Variants in ALK observed in about 807,000 individuals in gnomAD.
ALK encodes ALK tyrosine kinase receptor.
A neutral mutation model predicts 163.1 loss-of-function variants in ALK; 74 were observed. That is an observed-to-expected ratio of 0.45 (90% CI 0.38 to 0.55). The LOEUF is 0.55. Ranked by LOEUF, ALK falls within the 20% of genes least tolerant of loss-of-function variation. The pLI is 0.00. For missense variants in ALK, 2,063 were observed against 2,105.3 expected, an observed-to-expected ratio of 0.98 and a Z score of 0.39; for synonymous variants, 960 against 843.2, an observed-to-expected ratio of 1.14 and a Z score of -2.40.
At chr2:29,888,974 T>C (rs4545964) in intron 1 of ALK, among the ~76,000 whole-genome samples, 41,971 of 152,064 alleles carry the variant, frequency 0.28, 6,233 homozygotes, top group East Asian at 0.58. Flanking sequence ...GGAATCCCAA[T>C]GTATAAAACC....
chr2:29,197,579 C>T lies in ALK; in HGVS notation c.4036G>A (p.Gly1346Ser), dbSNP rs755843358. Reference protein sequence around the residue: ...QEVLEFVTSGGRMDPPKNCPG... With the variant: ...QEVLEFVTSGSRMDPPKNCPG... ...CAGTTCTTGGGTGGGTCCATCCGGC[C>T]TCCACTGGTGACAAACTCCAGAACT... Residue 1346 changes from glycine (G) to serine (S), a missense_variant, in exon 27 of 29, where the codon GGC (glycine) becomes AGC (serine). Physicochemically the swap from Gly to Ser is moderately conservative, Grantham distance 56. Transcript: ENST00000389048. 2 of 1,613,818 alleles carry T rather than the reference C, an allele frequency of 1.2e-6. No homozygotes were observed. Among genetic ancestry groups the T allele is most frequent in the Non-Finnish European group, 1.7e-6 (2 of 1,180,034 alleles).
At chr2:29,816,714 C>A (rs984037502) in intron 1 of ALK, among the ~76,000 whole-genome samples, 1 of 152,208 alleles carries the variant, frequency 6.6e-6, no homozygotes, top group Non-Finnish European at 1.5e-5. Flanking sequence ...GGCTCTGCGA[C>A]CTTGAGCAAT....
chr2:29,655,951 G>C (rs1011791622), intron 3 of ALK, among the ~76,000 whole-genome samples: 4 of 152,086 alleles, frequency 2.6e-5, no homozygotes, highest in Non-Finnish European at 5.9e-5. Context: ...GCTACTAAAT[G>C]CCTGTGTCCA....
At chr2:29,810,131 CAG>C (rs1253351416) in intron 1 of ALK, among the ~76,000 whole-genome samples, 3 of 152,060 alleles carry the variant, frequency 2.0e-5, no homozygotes, top group Non-Finnish European at 2.9e-5. Flanking sequence ...TAAAAATGGA[CAG>C]AGAGTCAGCC....
At chr2:29,525,112 G>T (rs1025763326) in intron 4 of ALK, among the ~76,000 whole-genome samples, 3 of 152,200 alleles carry the variant, frequency 2.0e-5, no homozygotes, top group Non-Finnish European at 2.9e-5. Flanking sequence ...TAACAGATGT[G>T]TCAGGAGTAT....
intron 4 of ALK, among the ~76,000 whole-genome samples, chr2:29,506,484 T>C (rs1220353213): frequency 3.3e-5 from 5 of 152,134 alleles, no homozygotes; most frequent in African/African-American, 1.2e-4. Flanking sequence ...GATTGGCTCA[T>C]GTCTGTAATC....
chr2:29,861,075 G>A (rs947744495), intron 1 of ALK, among the ~76,000 whole-genome samples: 12 of 152,270 alleles, frequency 7.9e-5, no homozygotes, highest in Admixed American at 3.3e-4. Context: ...AGGGGGCTGC[G>A]GTGGGATGAT....
At chr2:29,568,674 G>A (rs943396762) in intron 3 of ALK, among the ~76,000 whole-genome samples, 1 of 152,212 alleles carries the variant, frequency 6.6e-6, no homozygotes, top group African/African-American at 2.4e-5. Flanking sequence ...GTGCAGGAAG[G>A]AAGAGAAAGC....
At chr2:29,680,932 T>A (rs1010220780) in intron 3 of ALK, 2 of 152,146 alleles carry the variant, frequency 1.3e-5, no homozygotes, top group Non-Finnish European at 2.9e-5. Context: ...CTGGGTTCTA[T>A]CTGTGAAGTC....
At chr2:29,790,103 A>C (rs1254932308) in intron 1 of ALK, among the ~76,000 whole-genome samples, 2 of 152,162 alleles carry the variant, frequency 1.3e-5, no homozygotes, top group African/African-American at 4.8e-5. Context: ...ATGAGATCAC[A>C]TTTGCAAAGT....
chr2:29,414,198 A>C (rs1669809433), intron 4 of ALK, among the ~76,000 whole-genome samples: 2 of 152,170 alleles, frequency 1.3e-5, no homozygotes, highest in African/African-American at 4.8e-5. Context: ...CTGTTGACCA[A>C]AATTTTATGT....
At chr2:29,696,762 G>A (rs374076929) in intron 2 of ALK, among the ~76,000 whole-genome samples, 10 of 151,840 alleles carry the variant, frequency 6.6e-5, no homozygotes, top group African/African-American at 1.5e-4. Flanking sequence ...CTGCACCTGC[G>A]TGTCTGAAGT....
chr2:29,310,632 G>A (rs543529579), intron 8 of ALK, among the ~76,000 whole-genome samples: 2 of 152,312 alleles, frequency 1.3e-5, no homozygotes, highest in South Asian at 4.1e-4. Flanking sequence ...AGATTCCTGT[G>A]GGCTATCTCC....
At chr2:29,829,631 A>G (rs1046720276) in intron 1 of ALK, among the ~76,000 whole-genome samples, 1 of 152,220 alleles carries the variant, frequency 6.6e-6, no homozygotes, top group Non-Finnish European at 1.5e-5. Context: ...TGGGTCCACT[A>G]CTAAGAACAT....
At chr2:29,318,859 C>A (rs1268861986) in intron 7 of ALK, among the ~76,000 whole-genome samples, 1 of 152,164 alleles carries the variant, frequency 6.6e-6, no homozygotes, top group Non-Finnish European at 1.5e-5. Flanking sequence ...AGCCACTGCG[C>A]CTGGCCAACA....
At chr2:29,773,748 T>C (rs1423193086) in intron 1 of ALK, among the ~76,000 whole-genome samples, 1 of 152,226 alleles carries the variant, frequency 6.6e-6, no homozygotes, top group Non-Finnish European at 1.5e-5. Context: ...AACTTCCCTA[T>C]GAAATTCTAT....
At chr2:29,366,303 C>A (rs1558695794) in intron 5 of ALK, among the ~76,000 whole-genome samples, 1 of 152,046 alleles carries the variant, frequency 6.6e-6, no homozygotes, top group Non-Finnish European at 1.5e-5. Context: ...TGGGTGCATT[C>A]CCTACCTGAG....
chr2:29,489,111 C>A (rs749831759), intron 4 of ALK, among the ~76,000 whole-genome samples: 2 of 152,064 alleles, frequency 1.3e-5, no homozygotes, highest in Non-Finnish European at 2.9e-5. Flanking sequence ...ATGAAAAGAG[C>A]CCTCAATTAC....
intron 6 of ALK, among the ~76,000 whole-genome samples, chr2:29,323,361 T>C (rs1573231826): frequency 6.6e-6 from 1 of 152,316 alleles, no homozygotes; most frequent in South Asian, 2.1e-4. Context: ...AGGCTGCATA[T>C]GTGATAGCTC....
Sources: allele counts gnomAD v4.1 joint callset (sites outside exome capture counted in the v4.1 genomes callset), GRCh38; gene constraint gnomAD v4.1.1; transcripts MANE v1.5; gene names NCBI Gene and HGNC (gene_info 2026-07-23, HGNC 2026-07-21).